SPTBN2: variants seen among roughly 807,000 people sequenced by gnomAD.
SPTBN2 encodes spectrin beta chain, non-erythrocytic 2.
In SPTBN2, 107 loss-of-function variants were observed where a neutral mutation model predicts 284.2. That is an observed-to-expected ratio of 0.38 (90% CI 0.32 to 0.44). The LOEUF (loss-of-function observed/expected upper bound fraction) is 0.44, where lower values mean the gene tolerates loss of function less well. Among genes scored for constraint, SPTBN2 ranks in the 20% least tolerant of loss-of-function variants. The pLI is 1.00. For missense variants in SPTBN2, 2,569 were observed against 3,287.1 expected (o/e 0.78, Z 5.34); for synonymous variants, 1,289 against 1,354.8 (o/e 0.95, Z 1.07).
At chr11:66,722,575 CAAAAA>C (rs35183530) in intron 1 of SPTBN2, among the ~76,000 whole-genome samples, 19 of 50,984 alleles carry the variant, frequency 3.7e-4, no homozygotes, top group Admixed American at 2.2e-3. Flanking sequence ...GACTCTGTCT[CAAAAA>C]AAAAAAAAAA....
intron 3 of SPTBN2, 126 bp downstream of exon 3, chr11:66,720,958 T>C: frequency 3.8e-6 from 5 of 1,302,924 alleles, no homozygotes; most frequent in Non-Finnish European, 4.3e-6. Flanking sequence ...AGGGAATTGA[T>C]AGAGTGCTCT....
Position 66,693,594 on chromosome 11 carries a change from G to C in SPTBN2, c.4594-148C>G, listed in dbSNP as rs1565120031. On this transcript the variant is annotated intron_variant, in intron 23 of 37. Transcript: ENST00000533211. The surrounding 1 kb of genome is among the most constrained non-coding windows in gnomAD (Gnocchi z 5.7). ...GGGGGTGCGATGGTAACACCCGTCA[G>C]CCGCCCAGCCCCCACTATCTCCTAC... 3.6e-6 allele frequency: 5 copies of C among 1,407,832 alleles called. No individual in the cohort carries two copies. The highest frequency in any genetic ancestry group is 3.9e-6 in the Non-Finnish European group (4 of 1,034,692). The allele number at this position is 1,407,832 out of a possible 1,614,324, so 87.2% of individuals were successfully genotyped here. A position where few individuals can be genotyped will look rare whatever the true frequency, so the allele number is the denominator to read the frequency against.
rs1436907797 is a variant in SPTBN2 at position 66,707,278 on chromosome 11, T to C, written c.1653+238A>G. ...TGTTCCAGTTTCATCAGTGGTTTTA[T>C]GGCCCCTGCTCTTTTGTTTACGGAA... On this transcript the variant is annotated intron_variant, in intron 13 of 37. Transcript: ENST00000533211. The surrounding 1 kb of genome is among the most constrained non-coding windows in gnomAD (Gnocchi z 4.9). Among the ~76,000 whole-genome samples the C allele has an allele frequency of 6.6e-6, 1 of 152,262 alleles. No individual in the cohort carries two copies. Among genetic ancestry groups the C allele is most frequent in the Non-Finnish European group, 1.5e-5 (1 of 68,042 alleles).
rs1438805447 is a variant in SPTBN2 at position 66,708,131 on chromosome 11, C to T, written c.1350+10G>A. 1 of 1,613,212 alleles carries T rather than the reference C, an allele frequency of 6.2e-7. No homozygotes were observed. Among genetic ancestry groups the T allele is most frequent in the East Asian group, 2.2e-5 (1 of 44,880 alleles). ...ACCAGCCTAAGCATCCTAGGAGCCT[C>T]AAGTCCTACCTGGGACACGAGGCGC... On this transcript the variant is annotated intron_variant, in intron 12 of 37. Coordinates refer to ENST00000533211, the MANE Select transcript of SPTBN2 (RefSeq NM_006946.4). This position sits in a 1 kb window ranked among gnomAD's most constrained non-coding sequence, Gnocchi z 4.4.
Position 66,686,305 on chromosome 11 carries a change from A to G in SPTBN2, c.6939+93T>C, listed in dbSNP as rs768508427. 1.0e-5 allele frequency: 16 copies of G among 1,554,762 alleles called. No homozygotes were observed. In the Admixed American group the frequency reaches 2.3e-4, roughly 23 times the overall value. On this transcript the variant is annotated intron_variant, in intron 37 of 37. Transcript: ENST00000533211. ...CAGTCTTACCACAAAGGACAAGACC[A>G]GGAAAAAGAGGGAGGACAGGGAAAG...
Position 66,693,411 on chromosome 11 carries a change from C to G in SPTBN2, c.4629G>C (p.Arg1543=), listed in dbSNP as rs776457417. ...LQKEIQGHEP[R]IADLRERQRA... is the part of the protein sequence containing the mutation. ...GCTGCCGCTCCCTCAGGTCCGCGAT[C>G]CGGGGCTCATGGCCCTGAATCTCTT... Residue 1543 remains arginine (R), a synonymous_variant, in exon 24 of 38, where the codon CGG becomes CGC. Coordinates refer to ENST00000533211, the MANE Select transcript of SPTBN2 (RefSeq NM_006946.4). This position sits in a 1 kb window ranked among gnomAD's most constrained non-coding sequence, Gnocchi z 5.7. 1.3e-5 allele frequency: 21 copies of G among 1,600,074 alleles called. No homozygotes were observed. Among genetic ancestry groups the G allele is most frequent in the Non-Finnish European group, 1.7e-5 (20 of 1,179,844 alleles).
Position 66,693,729 on chromosome 11 carries a change from A to C in SPTBN2, c.4593+43T>G, listed in dbSNP as rs755957280. 6.4e-7 allele frequency: 1 copy of C among 1,570,556 alleles called. No homozygotes were observed. The highest frequency in any genetic ancestry group is 1.1e-5 in the South Asian group (1 of 87,270). On this transcript the variant is annotated intron_variant, in intron 23 of 37. Transcript: ENST00000533211. The surrounding 1 kb of genome is among the most constrained non-coding windows in gnomAD (Gnocchi z 5.7). ...AGAAAAAACACGTCCAAGTCTGGGCAGGCTCCTGGGAACTTCTCTTTTGCC... is the reference window on the plus strand; with the variant it reads ...AGAAAAAACACGTCCAAGTCTGGGCCGGCTCCTGGGAACTTCTCTTTTGCC...
intron 8 of SPTBN2, among the ~76,000 whole-genome samples, chr11:66,712,315 G>A (rs1385721436): frequency 6.6e-6 from 1 of 152,232 alleles, no homozygotes; most frequent in African/African-American, 2.4e-5. Flanking sequence ...TTGGGAGGCC[G>A]AGGTGGGCGG....
In SPTBN2 at chr11:66,691,258, C is replaced by T; in HGVS notation, c.5565+26G>A. ...CCCCCATGGCCTCCTCTAAGCCTCC[C>T]CCACCTCCTCATGCTTGGGTCAGAC... On this transcript the variant is annotated intron_variant, in intron 27 of 37. Transcript: ENST00000533211. The surrounding 1 kb of genome is among the most constrained non-coding windows in gnomAD (Gnocchi z 8.0). The T allele has an allele frequency of 6.6e-7, 1 of 1,513,464 alleles. No homozygotes were observed. The highest frequency in any genetic ancestry group is 8.9e-7 in the Non-Finnish European group (1 of 1,129,932). The allele number at this position is 1,513,464 out of a possible 1,614,324, so 93.8% of individuals were successfully genotyped here. A position where few individuals can be genotyped will look rare whatever the true frequency, so the allele number is the denominator to read the frequency against.
At position 66,686,970 on chromosome 11, in the gene SPTBN2, G is replaced by A. The variant is rs756195820; in HGVS notation, c.6896+24C>T. On this transcript the variant is annotated intron_variant, in intron 36 of 37. Coordinates refer to ENST00000533211, the MANE Select transcript of SPTBN2 (RefSeq NM_006946.4). ...TCACTCCCAACTCTCCTCCCATCCCGAGAGCACTGTTCCCTGTTCCTACCC... is the reference window on the plus strand; with the variant it reads ...TCACTCCCAACTCTCCTCCCATCCCAAGAGCACTGTTCCCTGTTCCTACCC... 3.6e-5 allele frequency: 58 copies of A among 1,613,168 alleles called. No individual in the cohort carries two copies. In the Middle Eastern group the frequency reaches 8.2e-4, roughly 23 times the overall value.
chr11:66,689,812 G>C lies in SPTBN2; in HGVS notation c.5942C>G (p.Ala1981Gly). Residue 1981 changes from alanine (A) to glycine (G), a missense_variant, in exon 29 of 38, where the codon GCC (alanine) becomes GGC (glycine). By Grantham distance (60) the Ala-to-Gly change is moderately conservative. This residue lies in a region of SPTBN2 where 1,130 missense variants were observed against 1,317.3 expected (regional missense o/e 0.86). Transcript: ENST00000533211. ...CACCCAGGCCTCACCCACCTCCTCG[G>C]CCGCATAGTGGCTCCTGGCCAGCAG... ...KELLARSHYA[A>G]EEISEKLSQL... The C allele has an allele frequency of 6.2e-7, 1 of 1,613,560 alleles. No individual in the cohort carries two copies. The highest frequency in any genetic ancestry group is 8.5e-7 in the Non-Finnish European group (1 of 1,180,010).
chr11:66,693,029 C>T lies in SPTBN2; in HGVS notation c.4926G>A (p.Gln1642=). Residue 1642 remains glutamine, a synonymous_variant, in exon 25 of 38, where the codon CAG becomes CAA. Coordinates refer to ENST00000533211, the MANE Select transcript of SPTBN2 (RefSeq NM_006946.4). The surrounding 1 kb of genome is among the most constrained non-coding windows in gnomAD (Gnocchi z 5.7). ...VLEQALADYA[Q]TIHQLAASSQ... ...TGCTGGCCGCCAGCTGGTGGATGGT[C>T]TGCGCGTAGTCGGCCAGGGCTTGCT... 1.2e-6 allele frequency: 2 copies of T among 1,612,872 alleles called. No individual in the cohort carries two copies. Among genetic ancestry groups the T allele is most frequent in the Middle Eastern group, 1.7e-4 (1 of 6,002 alleles).
At chr11:66,723,290 GTAACTT>G (rs1310678793) in intron 1 of SPTBN2, among the ~76,000 whole-genome samples, 1 of 151,994 alleles carries the variant, frequency 6.6e-6, no homozygotes, top group African/African-American at 2.4e-5. Flanking sequence ...GACTGGGTCT[GTAACTT>G]TAACAAAACC....
intron 1 of SPTBN2, among the ~76,000 whole-genome samples, chr11:66,736,873 T>TC (rs1442506661): frequency 6.6e-6 from 1 of 152,254 alleles, no homozygotes; most frequent in African/African-American, 2.4e-5. Context: ...TAGTAGCTAG[T>TC]CATGTCAACT....
rs773836751 is a variant in SPTBN2, at chr11:66,708,328, G to C, written c.1192-29C>G. On this transcript the variant is annotated intron_variant, in intron 11 of 37. Transcript: ENST00000533211. This position sits in a 1 kb window ranked among gnomAD's most constrained non-coding sequence, Gnocchi z 4.4. Reference sequence around the variant, plus strand: ...TGGGGTGGGGACAGGGTTAGTGGAAGGGACAGGGTGGGGAGGGCTCAGTGG... The same window carrying C: ...TGGGGTGGGGACAGGGTTAGTGGAACGGACAGGGTGGGGAGGGCTCAGTGG... 9 of 1,553,118 alleles carry C rather than the reference G, an allele frequency of 5.8e-6. No individual in the cohort carries two copies. In the Admixed American group the frequency reaches 1.6e-4, roughly 28 times the overall value.
intron 21 of SPTBN2, 115 bp downstream of exon 21, chr11:66,696,162 T>C: frequency 7.4e-7 from 1 of 1,354,818 alleles, no homozygotes; most frequent in Non-Finnish European, 1.0e-6. Context: ...GAAATGACTC[T>C]GGGAAATGCT....
chr11:66,707,363 G>A lies in SPTBN2; in HGVS notation c.1653+153C>T, dbSNP rs922226573. Among the ~76,000 whole-genome samples, 2 of 152,198 alleles carry A rather than the reference G, an allele frequency of 1.3e-5. No homozygotes were observed. Among genetic ancestry groups the A allele is most frequent in the Non-Finnish European group, 2.9e-5 (2 of 68,046 alleles). On this transcript the variant is annotated intron_variant, in intron 13 of 37. Transcript: ENST00000533211. This position sits in a 1 kb window ranked among gnomAD's most constrained non-coding sequence, Gnocchi z 4.9. ...TGGACACGAACCCCATGTGGACAGGGCCCTGTTTACTTTGTTCCCTGCAAC... is the reference window on the plus strand; with the variant it reads ...TGGACACGAACCCCATGTGGACAGGACCCTGTTTACTTTGTTCCCTGCAAC...
At chr11:66,701,383 C>CT in intron 16 of SPTBN2, 101 bp from the exon 17 acceptor site, 3 of 1,546,394 alleles carry the variant, frequency 1.9e-6, no homozygotes, top group Non-Finnish European at 2.6e-6. Context: ...TCACTCCTCC[C>CT]TTTCTGGCCA....
chr11:66,692,270 TCTCA>T (rs938250982), intron 26 of SPTBN2, among the ~76,000 whole-genome samples: 1 of 151,514 alleles, frequency 6.6e-6, no homozygotes, highest in Non-Finnish European at 1.5e-5. Context: ...AGATGGGGGG[TCTCA>T]CTATGTTGCC....
Sources: gnomAD v4.1 joint callset for allele counts (sites outside exome capture counted in the v4.1 genomes callset) on GRCh38, gnomAD v4.1.1 for gene constraint, gnomAD v4.1.1 regional missense constraint, Gnocchi (gnomAD v3.1) non-coding constraint, MANE v1.5 for transcripts, NCBI Gene and HGNC (gene_info 2026-07-23, HGNC 2026-07-21) for gene names.